The following ANO10 variants were observed in gnomAD, a reference collection of about 807,000 sequenced individuals.
The protein encoded by ANO10 is anoctamin 10.
Under a neutral mutation model 74.7 loss-of-function variants are expected in ANO10, and 77 were observed. That is an observed-to-expected ratio of 1.03 (90% CI 0.86 to 1.25). ANO10 has a LOEUF of 1.25. Among genes scored for constraint, ANO10 ranks in the 50% most tolerant of loss-of-function variants. ANO10 has a pLI of 0.00. For missense variants in ANO10, 721 were observed against 778.1 expected (o/e 0.93, Z 0.87); for synonymous variants, 279 against 284.9 (o/e 0.98, Z 0.21).
At position 43,577,148 on chromosome 3, in the gene ANO10, C is replaced by A. The variant is rs771135471; in HGVS notation, c.706G>T (p.Val236Leu). ...AVIGLPYYLF[V>L]WEDYDKYVIF... ...ACGTACTTGTCATAGTCTTCCCACA[C>A]AAACAAGTAGTAAGGTAACCCAATG... is the stretch of plus-strand genomic sequence containing the variant. The change falls in exon 6 of 13, where the codon GTG becomes TTG. Residue 236 changes from valine (V) to leucine (L), a missense_variant. Physicochemically the swap from Val to Leu is conservative, Grantham distance 32 (BLOSUM62 1). Transcript: ENST00000292246. The A allele has an allele frequency of 1.9e-6, 3 of 1,614,152 alleles. No homozygotes were observed. The South Asian group carries it at 3.3e-5, about 18-fold the overall frequency.
In ANO10 at chr3:43,428,796, C is replaced by CAAAAAAAAAAAAAAAAA. The variant is rs56213626; in HGVS notation, c.1914+3798_1914+3814dup. 2.9e-4 allele frequency among the ~76,000 whole-genome samples: 16 copies of CAAAAAAAAAAAAAAAAA among 55,442 alleles called. 5 individuals are homozygous for CAAAAAAAAAAAAAAAAA. The highest frequency in any genetic ancestry group is 5.0e-4 in the East Asian group (1 of 1,992). The allele number at this position is 55,442 out of a possible 152,430, so 36.4% of individuals were successfully genotyped here. ...CCAAAATCCTGAAACTTTGTGAATG[C>CAAAAAAAAAAAAAAAAA]AAAAAAAAAAAAAAAAAAAAAAGTC... On this transcript the variant is annotated intron_variant, in intron 12 of 12. Coordinates refer to ENST00000292246, the MANE Select transcript of ANO10 (RefSeq NM_018075.5).
At chr3:43,466,305 A>G (rs988746748) in intron 11 of ANO10, among the ~76,000 whole-genome samples, 9 of 137,130 alleles carry the variant, frequency 6.6e-5, no homozygotes, top group Non-Finnish European at 1.4e-4. Flanking sequence ...CGGGAGGCAG[A>G]GGTGGCAGTG....
chr3:43,601,371 A>G (rs1355346998), intron 2 of ANO10, among the ~76,000 whole-genome samples: 1 of 151,986 alleles, frequency 6.6e-6, no homozygotes, highest in Non-Finnish European at 1.5e-5. Flanking sequence ...ACACCAAGCT[A>G]TTTTTTGTAG....
At position 43,373,260 on chromosome 3, in the gene ANO10, A is replaced by G. The variant is rs564563316; in HGVS notation, c.1915-6286T>C. On this transcript the variant is annotated intron_variant, in intron 12 of 12. Coordinates refer to ENST00000292246, the MANE Select transcript of ANO10 (RefSeq NM_018075.5). Reference sequence around the variant, plus strand: ...GAGTGTGACAGAAATCATGATTAGCAAGCTCAGATGTGGCTCTGGTGAAGC... The same window carrying G: ...GAGTGTGACAGAAATCATGATTAGCGAGCTCAGATGTGGCTCTGGTGAAGC... Among the ~76,000 whole-genome samples the G allele has an allele frequency of 2.0e-5, 3 of 152,058 alleles. No homozygotes were observed. In the East Asian group the frequency reaches 5.8e-4, roughly 30 times the overall value.
chr3:43,463,103 C>T (rs954251512), intron 11 of ANO10, among the ~76,000 whole-genome samples: 4 of 152,196 alleles, frequency 2.6e-5, no homozygotes, highest in African/African-American at 9.7e-5. Context: ...GGGGTCAGAG[C>T]CCCCACACAG....
At chr3:43,686,756 A>G (rs2084280142) in intron 1 of ANO10, among the ~76,000 whole-genome samples, 3 of 152,244 alleles carry the variant, frequency 2.0e-5, no homozygotes, top group Non-Finnish European at 4.4e-5. Context: ...TGGCTACTGT[A>G]TCAGAGAGTG....
intron 4 of ANO10, among the ~76,000 whole-genome samples, chr3:43,598,145 A>G (rs367809741): frequency 2.0e-5 from 3 of 152,354 alleles, no homozygotes; most frequent in East Asian, 3.9e-4. Flanking sequence ...TCTAATTTGC[A>G]TACCCAGTGA....
chr3:43,496,571 C>T (rs1046612919), intron 11 of ANO10, among the ~76,000 whole-genome samples: 1 of 152,010 alleles, frequency 6.6e-6, no homozygotes, highest in Non-Finnish European at 1.5e-5. Flanking sequence ...CTACTTGGCA[C>T]TACAGGGGCA....
At chr3:43,605,950 A>G in intron 1 of ANO10, 87 bp from the exon 2 acceptor site, 2 of 1,467,322 alleles carry the variant, frequency 1.4e-6, no homozygotes, top group Admixed American at 3.7e-5. Flanking sequence ...TCCCAATTAT[A>G]CCTAATTCTG....
chr3:43,445,076 T>C (rs2093223728), intron 11 of ANO10, among the ~76,000 whole-genome samples: 1 of 148,230 alleles, frequency 6.7e-6, no homozygotes, highest in Non-Finnish European at 1.5e-5. Flanking sequence ...TGAGCTGAGA[T>C]TGCACCACTG....
At chr3:43,433,676 G>A (rs1165472884) in intron 11 of ANO10, among the ~76,000 whole-genome samples, 1 of 152,102 alleles carries the variant, frequency 6.6e-6, no homozygotes, top group East Asian at 1.9e-4. Context: ...ATAACATAAT[G>A]ATATGAGATG....
chr3:43,525,281 A>G (rs940897043), intron 11 of ANO10, among the ~76,000 whole-genome samples: 5 of 152,084 alleles, frequency 3.3e-5, no homozygotes. Context: ...TCTCTGCCCA[A>G]AGCATTCCCT....
intron 1 of ANO10, among the ~76,000 whole-genome samples, chr3:43,661,514 C>T (rs2083926285): frequency 6.6e-6 from 1 of 152,128 alleles, no homozygotes; most frequent in Admixed American, 6.5e-5. Context: ...GCAAAATAAC[C>T]AGCTAGCATC....
At chr3:43,389,092 A>C (rs909724629) in intron 12 of ANO10, among the ~76,000 whole-genome samples, 6 of 152,246 alleles carry the variant, frequency 3.9e-5, no homozygotes, top group Admixed American at 2.6e-4. Flanking sequence ...GATCCTGCTT[A>C]AACCATATGG....
chr3:43,452,378 T>A (rs2148999174), intron 11 of ANO10, among the ~76,000 whole-genome samples: 1 of 152,346 alleles, frequency 6.6e-6, no homozygotes, highest in South Asian at 2.1e-4. Context: ...CAGTCTACTT[T>A]CTGTATTAAA....
At chr3:43,443,120 A>G (rs1469765425) in intron 11 of ANO10, among the ~76,000 whole-genome samples, 1 of 152,158 alleles carries the variant, frequency 6.6e-6, no homozygotes, top group Non-Finnish European at 1.5e-5. Flanking sequence ...CTCCACTCCA[A>G]CCAAGCTCCA....
intron 12 of ANO10, among the ~76,000 whole-genome samples, chr3:43,418,238 T>C (rs986872874): frequency 3.3e-5 from 5 of 152,162 alleles, no homozygotes; most frequent in East Asian, 3.9e-4. Context: ...GACAGTGCCA[T>C]TGCACTCCAG....
intron 11 of ANO10, among the ~76,000 whole-genome samples, chr3:43,509,378 A>G (rs1254916022): frequency 6.6e-6 from 1 of 152,230 alleles, no homozygotes; most frequent in Non-Finnish European, 1.5e-5. Flanking sequence ...AAAAAGAAAT[A>G]AAATGGGCAA....
chr3:43,586,488 A>C (rs1353449020), intron 4 of ANO10, among the ~76,000 whole-genome samples: 1 of 152,028 alleles, frequency 6.6e-6, no homozygotes, highest in Non-Finnish European at 1.5e-5. Context: ...TCCCACACAC[A>C]CTTTCTTCTA....
Sources: gnomAD v4.1 joint callset for allele counts (sites outside exome capture counted in the v4.1 genomes callset) on GRCh38, gnomAD v4.1.1 for gene constraint, MANE v1.5 for transcripts, NCBI Gene and HGNC (gene_info 2026-07-23, HGNC 2026-07-21) for gene names.